Variants in WWOX observed in about 807,000 individuals in gnomAD.
WWOX encodes WW domain containing oxidoreductase, also known as WW domain-containing oxidoreductase.
Under a neutral mutation model 46.2 loss-of-function variants are expected in WWOX, and 69 were observed. The ratio of observed to expected loss-of-function variants is 1.49; its 90% confidence interval spans 1.23 to 1.82. WWOX has a LOEUF of 1.82. Ranked by LOEUF, WWOX falls within the 40% of genes most tolerant of loss-of-function variation. The probability of loss-of-function intolerance (pLI) is 0.00; values close to 1 mark genes in which losing one functional copy is unlikely to be tolerated. For synonymous variants in WWOX, 359 were observed against 202.6 expected, an observed-to-expected ratio of 1.77 and a Z score of -6.56; for missense variants, 919 against 542.6, an observed-to-expected ratio of 1.69 and a Z score of -6.89.
intron 8 of WWOX, among the ~76,000 whole-genome samples, chr16:79,051,820 C>G (rs569648230): frequency 6.6e-6 from 1 of 152,210 alleles, no homozygotes; most frequent in Non-Finnish European, 1.5e-5. Flanking sequence ...TATCTGCTAG[C>G]TGTAATGAAG....
chr16:79,065,597 G>A (rs1395006333), intron 8 of WWOX, among the ~76,000 whole-genome samples: 2 of 152,154 alleles, frequency 1.3e-5, no homozygotes, highest in Admixed American at 6.5e-5. Context: ...TTATCTACAG[G>A]AATAATTGGG....
At chr16:78,498,893 A>G (rs1028936584) in intron 8 of WWOX, among the ~76,000 whole-genome samples, 12 of 152,262 alleles carry the variant, frequency 7.9e-5, no homozygotes, top group African/African-American at 2.9e-4. Flanking sequence ...TACATAGGCA[A>G]CTTCCTCGAT....
At chr16:79,188,913 C>A (rs186167239) in intron 8 of WWOX, among the ~76,000 whole-genome samples, 1 of 152,080 alleles carries the variant, frequency 6.6e-6, no homozygotes, top group Non-Finnish European at 1.5e-5. Flanking sequence ...CTAACATGCA[C>A]CAGAGGGAAA....
chr16:78,147,709 G>A (rs1474817011), intron 4 of WWOX, among the ~76,000 whole-genome samples: 2 of 111,330 alleles, frequency 1.8e-5, no homozygotes, highest in African/African-American at 7.2e-5. Flanking sequence ...AAAAAAAAAA[G>A]GTGCTTGAAT....
rs148555228 is a variant in WWOX at position 78,489,389 on chromosome 16, G to C, written c.1056+56637G>C. ...TTACTTGGCCAAATATCCGAGTGTGGAAGCTCTCACTGTGAACCTGCTAAC... is the reference window on the plus strand; with the variant it reads ...TTACTTGGCCAAATATCCGAGTGTGCAAGCTCTCACTGTGAACCTGCTAAC... On this transcript the variant is annotated intron_variant, in intron 8 of 8. Transcript: ENST00000566780. Among the ~76,000 whole-genome samples, 215 of 152,234 alleles carry C rather than the reference G, an allele frequency of 1.4e-3. 7 individuals are homozygous for C. In the East Asian group the frequency reaches 0.035, roughly 25 times the overall value.
chr16:78,268,526 C>G (rs1597425807), intron 5 of WWOX, among the ~76,000 whole-genome samples: 1 of 152,134 alleles, frequency 6.6e-6, no homozygotes, highest in African/African-American at 2.4e-5. Flanking sequence ...AGAGCATGGT[C>G]CAAAGCTGCA....
chr16:78,740,263 A>T (rs927741461), intron 8 of WWOX, among the ~76,000 whole-genome samples: 1 of 152,118 alleles, frequency 6.6e-6, no homozygotes, highest in Non-Finnish European at 1.5e-5. Context: ...TGCTGATGCG[A>T]CTCAGACGGC....
intron 5 of WWOX, among the ~76,000 whole-genome samples, chr16:78,386,259 C>G (rs2082058031): frequency 6.6e-6 from 1 of 152,140 alleles, no homozygotes; most frequent in African/African-American, 2.4e-5. Context: ...CCATTATTAC[C>G]ATTATTATTC....
At chr16:78,724,279 G>A (rs893847409) in intron 8 of WWOX, among the ~76,000 whole-genome samples, 8 of 152,074 alleles carry the variant, frequency 5.3e-5, no homozygotes, top group Non-Finnish European at 7.4e-5. Flanking sequence ...GCCCCATTTG[G>A]TAAAATACAG....
intron 8 of WWOX, among the ~76,000 whole-genome samples, chr16:78,621,778 GT>G (rs1257299934): frequency 3.3e-5 from 5 of 151,094 alleles, no homozygotes; most frequent in African/African-American, 1.2e-4. Flanking sequence ...CTAATTTTTT[GT>G]ATTTTTTAGT....
At chr16:79,139,789 T>G (rs769849888) in intron 8 of WWOX, among the ~76,000 whole-genome samples, 3 of 152,196 alleles carry the variant, frequency 2.0e-5, no homozygotes, top group Non-Finnish European at 4.4e-5. Flanking sequence ...AAAGGGCTCT[T>G]GAAAAATGTC....
At chr16:78,889,861 G>A (rs2044550028) in intron 8 of WWOX, among the ~76,000 whole-genome samples, 1 of 152,162 alleles carries the variant, frequency 6.6e-6, no homozygotes, top group African/African-American at 2.4e-5. Context: ...TCTGGAGAAA[G>A]TCCATAGTTT....
At chr16:78,861,897 C>G (rs1421835930) in intron 8 of WWOX, among the ~76,000 whole-genome samples, 1 of 152,138 alleles carries the variant, frequency 6.6e-6, no homozygotes, top group Admixed American at 6.5e-5. Context: ...CAGTGCAAGG[C>G]TAAAATTGCT....
rs529409673 is a variant in WWOX, at chr16:79,120,488, C to G, written c.1057-91120C>G. Among the ~76,000 whole-genome samples the G allele has an allele frequency of 1.6e-4, 25 of 152,206 alleles. No individual in the cohort carries two copies. In the South Asian group the frequency reaches 4.4e-3, roughly 27 times the overall value. ...CAGCAAAATATATCTCACATGGTGCCCAGAGCAAAGGACCCTGTGCTAGTT... is the reference window on the plus strand; with the variant it reads ...CAGCAAAATATATCTCACATGGTGCGCAGAGCAAAGGACCCTGTGCTAGTT... On this transcript the variant is annotated intron_variant, in intron 8 of 8. Transcript: ENST00000566780.
chr16:78,931,493 G>T (rs559445367), intron 8 of WWOX, among the ~76,000 whole-genome samples: 4 of 152,350 alleles, frequency 2.6e-5, no homozygotes, highest in African/African-American at 9.6e-5. Flanking sequence ...GGCTGGGCCA[G>T]TTCAGCTCAG....
chr16:78,474,020 C>A (rs754092788), intron 8 of WWOX, among the ~76,000 whole-genome samples: 1 of 152,132 alleles, frequency 6.6e-6, no homozygotes, highest in East Asian at 1.9e-4. Context: ...ACCACTTTTA[C>A]AGAGATTTAA....
At chr16:78,683,863 G>A (rs569216434) in intron 8 of WWOX, among the ~76,000 whole-genome samples, 2 of 152,132 alleles carry the variant, frequency 1.3e-5, no homozygotes, top group African/African-American at 2.4e-5. Context: ...TTGGTCACAA[G>A]GAACAGAGTT....
intron 8 of WWOX, among the ~76,000 whole-genome samples, chr16:78,712,568 G>GATGCTC (rs1316251576): frequency 6.6e-6 from 1 of 151,958 alleles, no homozygotes; most frequent in African/African-American, 2.4e-5. Flanking sequence ...TGGATTGTGT[G>GATGCTC]ATGCTCATTT....
chr16:79,094,819 C>G (rs937043147), intron 8 of WWOX, among the ~76,000 whole-genome samples: 2 of 152,078 alleles, frequency 1.3e-5, no homozygotes, highest in Non-Finnish European at 2.9e-5. Context: ...GTGTTTCTTT[C>G]ATTAAAAGGA....
Sources: gnomAD v4.1 joint callset for allele counts (sites outside exome capture counted in the v4.1 genomes callset) on GRCh38, gnomAD v4.1.1 for gene constraint, MANE v1.5 for transcripts, NCBI Gene and HGNC (gene_info 2026-07-23, HGNC 2026-07-21) for gene names.